Variants in ZNF845 observed in about 807,000 individuals in gnomAD.
ZNF845 encodes the protein zinc finger protein 845.
Under a neutral mutation model 76.1 loss-of-function variants are expected in ZNF845, and 59 were observed. The ratio of observed to expected loss-of-function variants is 0.78; its 90% CI spans 0.63 to 0.96. The LOEUF (loss-of-function observed/expected upper bound fraction) is 0.96, where lower values mean the gene tolerates loss of function less well. Among genes scored for constraint, ZNF845 ranks in the 40% least tolerant of loss-of-function variants. The pLI is 0.00. For synonymous variants in ZNF845, 361 were observed against 386.9 expected (o/e 0.93, Z 0.78); for missense variants, 1,045 against 1,172.8 (o/e 0.89, Z 1.59).
chr19:53,339,207 T>G (rs1178563516), intron 1 of ZNF845, among the ~76,000 whole-genome samples: 1 of 152,134 alleles, frequency 6.6e-6, no homozygotes, highest in Non-Finnish European at 1.5e-5. Context: ...ATAGCCCTGG[T>G]CATGGCCAGA....
Position 53,352,217 on chromosome 19 carries a change from G to A in ZNF845, c.1542G>A (p.Arg514=). 1 of 1,613,438 alleles carries A rather than the reference G, an allele frequency of 6.2e-7. No individual in the cohort carries two copies. The highest frequency in any genetic ancestry group is 8.5e-7 in the Non-Finnish European group (1 of 1,179,810). ...TCAAATCAAACCTTGAAAGACATAG[G>A]ATAATTCATACTGGAGAGAAACTTT... is the stretch of plus-strand genomic sequence containing the variant. The part of the protein sequence containing the change: ...FSFKSNLERH[R]IIHTGEKLYK... Residue 514 remains arginine, a synonymous_variant, in exon 4 of 4, where the codon AGG becomes AGA. Coordinates refer to ENST00000458035, the MANE Select transcript of ZNF845 (RefSeq NM_138374.3).
intron 3 of ZNF845, among the ~76,000 whole-genome samples, chr19:53,348,186 A>G (rs8102481): frequency 0.84 from 127,229 of 152,088 alleles, 53,405 homozygotes; most frequent in Non-Finnish European, 0.88. Context: ...GTGAGACTCC[A>G]GGCTGAGGTG....
At chr19:53,334,874 C>T (rs544468209) in intron 1 of ZNF845, among the ~76,000 whole-genome samples, 1 of 152,292 alleles carries the variant, frequency 6.6e-6, no homozygotes, top group South Asian at 2.1e-4. Flanking sequence ...CATGCCACTG[C>T]ACTCCAGCCT....
chr19:53,344,165 TC>T (rs2147037161), intron 2 of ZNF845, among the ~76,000 whole-genome samples: 1 of 152,256 alleles, frequency 6.6e-6, no homozygotes, highest in Admixed American at 6.5e-5. Flanking sequence ...TCCTGATCTT[TC>T]ACTGCGGACG....
chr19:53,343,623 T>TACACAC (rs1381340816), intron 2 of ZNF845, among the ~76,000 whole-genome samples: 3 of 152,166 alleles, frequency 2.0e-5, no homozygotes, highest in African/African-American at 7.2e-5. Context: ...TACACAAGTA[T>TACACAC]ACACACACAC....
chr19:53,337,175 T>C (rs767182887), intron 1 of ZNF845: 1 of 456,678 alleles, frequency 2.2e-6, no homozygotes, highest in Non-Finnish European at 4.4e-6. Context: ...ACTAAAACCC[T>C]TCCTGTCTCA....
At chr19:53,346,728 A>G (rs2085299629) in intron 3 of ZNF845, among the ~76,000 whole-genome samples, 1 of 151,718 alleles carries the variant, frequency 6.6e-6, no homozygotes. Context: ...CTCCACTAGA[A>G]CTCTTTGTTC....
chr19:53,339,608 A>T (rs1385807084), intron 1 of ZNF845, among the ~76,000 whole-genome samples: 1 of 152,244 alleles, frequency 6.6e-6, no homozygotes, highest in African/African-American at 2.4e-5. Flanking sequence ...TTGCCAAGTC[A>T]GAAGTCTTAG....
chr19:53,349,711 G>A (rs1321447138), intron 3 of ZNF845, among the ~76,000 whole-genome samples: 2 of 152,132 alleles, frequency 1.3e-5, no homozygotes, highest in Non-Finnish European at 1.5e-5. Flanking sequence ...TATGTGGTAT[G>A]CAATATAACT....
chr19:53,344,853 AG>A (rs1247376114), intron 2 of ZNF845, among the ~76,000 whole-genome samples: 1 of 151,874 alleles, frequency 6.6e-6, no homozygotes, highest in African/African-American at 2.4e-5. Context: ...TGGTCAGGCA[AG>A]TCTTGAACTC....
At chr19:53,334,383 G>A (rs1369358019) in intron 1 of ZNF845, among the ~76,000 whole-genome samples, 1 of 152,200 alleles carries the variant, frequency 6.6e-6, no homozygotes, top group African/African-American at 2.4e-5. Flanking sequence ...GAGAGAGAGA[G>A]CAGTAGAAAA....
intron 1 of ZNF845, among the ~76,000 whole-genome samples, chr19:53,337,524 G>A (rs1316305722): frequency 1.3e-5 from 2 of 152,026 alleles, no homozygotes; most frequent in Non-Finnish European, 2.9e-5. Context: ...GAAATTAAAT[G>A]TGTGTGCCAC....
In ZNF845 at chr19:53,351,972, C is replaced by G. The variant is rs765897112; in HGVS notation, c.1297C>G (p.His433Asp). The G allele has an allele frequency of 1.9e-6, 3 of 1,613,882 alleles. No homozygotes were observed. The change falls in exon 4 of 4, where the codon CAT becomes GAT. Residue 433 changes from histidine (H) to aspartate (D), a missense_variant. By Grantham distance (81) the His-to-Asp change is moderately conservative (BLOSUM62 -1). Transcript: ENST00000458035. Reference protein sequence around the residue: ...MSSLVYHRRLHTGEKPYKCEE... With the variant: ...MSSLVYHRRLDTGEKPYKCEE... ...ATCCCTTGTATACCATCGTAGACTT[C>G]ATACTGGAGAGAAACCTTACAAATG...
At position 53,334,320 on chromosome 19, in the gene ZNF845, G is replaced by A. The variant is rs148215080; in HGVS notation, c.-74+528G>A. ...AAATGCGCTCCTCCGGGATGCAGGC[G>A]TCTTACTCCAAAGCCCTCCTGTGAT... On this transcript the variant is annotated intron_variant, in intron 1 of 3. Coordinates refer to ENST00000458035, the MANE Select transcript of ZNF845 (RefSeq NM_138374.3). Among the ~76,000 whole-genome samples, 515 of 152,034 alleles carry A rather than the reference G, an allele frequency of 3.4e-3. 2 individuals carry two copies. Among genetic ancestry groups the A allele is most frequent in the African/African-American group, 0.012 (491 of 41,530 alleles).
In ZNF845 at chr19:53,354,090, TATG is replaced by T. The variant is rs948780992; in HGVS notation, c.*508_*510del. The T allele has an allele frequency of 6.0e-5, 31 of 517,580 alleles. No homozygotes were observed. Among genetic ancestry groups the T allele is most frequent in the African/African-American group, 4.5e-4 (23 of 50,852 alleles). The allele number at this position is 517,580 out of a possible 1,614,324, so 32.1% of individuals were successfully genotyped here. Reference sequence around the variant, plus strand: ...TCATACAGGAGACAAACTTCACAAGTATGATGATTGCAGCAAAGCCTTTACTTC... The same window carrying T: ...TCATACAGGAGACAAACTTCACAAGTATGATTGCAGCAAAGCCTTTACTTC... On this transcript the variant is annotated 3_prime_UTR_variant, in exon 4 of 4. Coordinates refer to ENST00000458035, the MANE Select transcript of ZNF845 (RefSeq NM_138374.3).
chr19:53,351,394 C>A lies in ZNF845; in HGVS notation c.719C>A (p.Ala240Glu), dbSNP rs758518640. 1 of 1,614,096 alleles carries A rather than the reference C, an allele frequency of 6.2e-7. No homozygotes were observed. The highest frequency in any genetic ancestry group is 1.1e-5 in the South Asian group (1 of 91,068). ...LRKHQIIHLG[A>E]KQYKCDVCGK... Reference sequence around the variant, plus strand: ...AAACATCAGATAATCCATTTAGGAGCGAAACAATATAAATGTGATGTGTGT... The same window carrying A: ...AAACATCAGATAATCCATTTAGGAGAGAAACAATATAAATGTGATGTGTGT... Residue 240 changes from alanine (A) to glutamate (E), a missense_variant, in exon 4 of 4, where the codon GCG becomes GAG. Ala to Glu is a moderately radical substitution (Grantham distance 107, BLOSUM62 -1). Transcript: ENST00000458035.
Position 53,352,283 on chromosome 19 carries a change from A to G in ZNF845, c.1608A>G (p.Ser536=), listed in dbSNP as rs1299425062. The G allele has an allele frequency of 6.2e-7, 1 of 1,613,980 alleles. No homozygotes were observed. The highest frequency in any genetic ancestry group is 8.5e-7 in the Non-Finnish European group (1 of 1,179,922). ...NECGKTFSRK[S]SLTRHCRLHT... is the part of the protein sequence containing the mutation. ...GTGGCAAGACCTTTAGTCGGAAGTC[A>G]TCCCTTACACGCCATTGTAGACTTC... The change falls in exon 4 of 4, where the codon TCA becomes TCG. Residue 536 remains serine (S), a synonymous_variant. Coordinates refer to ENST00000458035, the MANE Select transcript of ZNF845 (RefSeq NM_138374.3).
chr19:53,340,191 A>G (rs2085246295), intron 1 of ZNF845, among the ~76,000 whole-genome samples: 1 of 152,222 alleles, frequency 6.6e-6, no homozygotes. Flanking sequence ...AGTGGCGATT[A>G]CAGGCGTGTG....
At chr19:53,339,662 G>C (rs1415854581) in intron 1 of ZNF845, among the ~76,000 whole-genome samples, 2 of 152,222 alleles carry the variant, frequency 1.3e-5, no homozygotes, top group African/African-American at 2.4e-5. Context: ...CAGCCAGGAA[G>C]CCTCTCCTCT....
Sources: gnomAD v4.1 joint callset for allele counts (sites outside exome capture counted in the v4.1 genomes callset) on GRCh38, gnomAD v4.1.1 for gene constraint, MANE v1.5 for transcripts, NCBI Gene and HGNC (gene_info 2026-07-23, HGNC 2026-07-21) for gene names.